Variants in ALK observed in about 807,000 individuals in gnomAD.
ALK encodes ALK tyrosine kinase receptor.
A neutral mutation model predicts 163.1 loss-of-function variants in ALK; 74 were observed. The observed-to-expected ratio is 0.45, with a 90% CI of 0.38 to 0.55. The LOEUF (loss-of-function observed/expected upper bound fraction) is 0.55. Ranked by LOEUF, ALK falls within the 20% of genes least tolerant of loss-of-function variation. The pLI is 0.00. For missense variants in ALK, 2,063 were observed against 2,105.3 expected (o/e 0.98, Z 0.39); for synonymous variants, 960 against 843.2 (o/e 1.14, Z -2.40).
intron 1 of ALK, among the ~76,000 whole-genome samples, chr2:29,812,034 A>G (rs1400472789): frequency 6.6e-6 from 1 of 152,180 alleles, no homozygotes; most frequent in South Asian, 2.1e-4. Context: ...GCAGTAATTC[A>G]GGTTCTTCAT....
At chr2:29,440,612 T>C (rs1311366697) in intron 4 of ALK, among the ~76,000 whole-genome samples, 1 of 152,210 alleles carries the variant, frequency 6.6e-6, no homozygotes, top group Non-Finnish European at 1.5e-5. Context: ...CCACAGTGCC[T>C]GGCTGATGAA....
chr2:29,768,945 C>A (rs1005017591), intron 1 of ALK, among the ~76,000 whole-genome samples: 1 of 151,948 alleles, frequency 6.6e-6, no homozygotes, highest in African/African-American at 2.4e-5. Context: ...GCGATCCTCC[C>A]GCCTCAGCTT....
At chr2:29,565,396 G>T (rs1674149896) in intron 3 of ALK, among the ~76,000 whole-genome samples, 1 of 152,174 alleles carries the variant, frequency 6.6e-6, no homozygotes, top group African/African-American at 2.4e-5. Context: ...CCTGCTTAGT[G>T]TTTAGCAAGC....
intron 1 of ALK, among the ~76,000 whole-genome samples, chr2:29,883,047 G>A (rs182512350): frequency 9.2e-5 from 14 of 151,804 alleles, no homozygotes; most frequent in Non-Finnish European, 1.9e-4. Flanking sequence ...GGAAGGAAGG[G>A]AGCAGAGGGT....
intron 4 of ALK, among the ~76,000 whole-genome samples, chr2:29,420,861 A>G (rs951393014): frequency 1.3e-5 from 2 of 151,580 alleles, no homozygotes; most frequent in Non-Finnish European, 2.9e-5. Flanking sequence ...TTATTTAAAA[A>G]GTCTGGAGAA....
At chr2:29,255,532 T>G (rs1664928803) in intron 11 of ALK, among the ~76,000 whole-genome samples, 1 of 152,146 alleles carries the variant, frequency 6.6e-6, no homozygotes, top group South Asian at 2.1e-4. Context: ...ATTGTCCAGG[T>G]GGAGAAACAG....
chr2:29,507,267 C>T (rs1672353680), intron 4 of ALK, among the ~76,000 whole-genome samples: 1 of 152,200 alleles, frequency 6.6e-6, no homozygotes, highest in Non-Finnish European at 1.5e-5. Context: ...AGTGAAATGT[C>T]AATCACAAAA....
At chr2:29,424,831 A>T (rs1396749626) in intron 4 of ALK, among the ~76,000 whole-genome samples, 1 of 152,142 alleles carries the variant, frequency 6.6e-6, no homozygotes, top group Non-Finnish European at 1.5e-5. Context: ...AAATCACTTA[A>T]CCTCGTAAGC....
At chr2:29,455,969 T>A (rs1670942199) in intron 4 of ALK, among the ~76,000 whole-genome samples, 1 of 152,164 alleles carries the variant, frequency 6.6e-6, no homozygotes, top group Non-Finnish European at 1.5e-5. Flanking sequence ...GCCAAAGAGC[T>A]CTAGATTAAA....
At chr2:29,901,591 G>T (rs983688390) in intron 1 of ALK, among the ~76,000 whole-genome samples, 2 of 152,190 alleles carry the variant, frequency 1.3e-5, no homozygotes, top group African/African-American at 4.8e-5. Flanking sequence ...TGGCCAAGCC[G>T]CTCATCTCTC....
chr2:29,603,592 T>C (rs1250917449), intron 3 of ALK, among the ~76,000 whole-genome samples: 1 of 151,808 alleles, frequency 6.6e-6, no homozygotes, highest in Middle Eastern at 3.4e-3. Flanking sequence ...TCTGAACTAG[T>C]TTTTTTTAGG....
chr2:29,242,620 T>C (rs1219455017), intron 12 of ALK, among the ~76,000 whole-genome samples: 2 of 152,138 alleles, frequency 1.3e-5, no homozygotes, highest in Admixed American at 1.3e-4. Flanking sequence ...CTCCAAGTCA[T>C]CTGCTGGTTC....
chr2:29,829,312 TA>T (rs61451401), intron 1 of ALK, among the ~76,000 whole-genome samples: 2,657 of 144,748 alleles, frequency 0.018, 72 homozygotes, highest in African/African-American at 0.062. Context: ...TAAAGTATAA[TA>T]AAAAAAAAAA....
chr2:29,329,363 C>T (rs1667370693), intron 5 of ALK, among the ~76,000 whole-genome samples: 1 of 152,184 alleles, frequency 6.6e-6, no homozygotes, highest in African/African-American at 2.4e-5. Context: ...AGGGCTTTGC[C>T]TGGGGACCAC....
chr2:29,370,270 T>G (rs1232441706), intron 5 of ALK, among the ~76,000 whole-genome samples: 1 of 152,236 alleles, frequency 6.6e-6, no homozygotes, highest in Non-Finnish European at 1.5e-5. Context: ...GGTAGTGGTG[T>G]GCAGAGGGCT....
At chr2:29,487,848 T>G (rs935429008) in intron 4 of ALK, among the ~76,000 whole-genome samples, 6 of 152,172 alleles carry the variant, frequency 3.9e-5, no homozygotes, top group Non-Finnish European at 5.9e-5. Context: ...TCACAGCTTA[T>G]GCATCTCCCT....
At chr2:29,497,261 AAACT>A (rs1262677532) in intron 4 of ALK, among the ~76,000 whole-genome samples, 1 of 146,602 alleles carries the variant, frequency 6.8e-6, no homozygotes. Flanking sequence ...AACAAGAGTG[AAACT>A]CCATCTCAAA....
chr2:29,858,787 C>G (rs1666209288), intron 1 of ALK, among the ~76,000 whole-genome samples: 1 of 151,578 alleles, frequency 6.6e-6, no homozygotes, highest in African/African-American at 2.4e-5. Flanking sequence ...GCCTGTAATC[C>G]CAGCACTTTG....
intron 4 of ALK, among the ~76,000 whole-genome samples, chr2:29,454,627 A>C (rs1670904076): frequency 6.6e-6 from 1 of 152,140 alleles, no homozygotes; most frequent in Admixed American, 6.5e-5. Flanking sequence ...AATTGCATTG[A>C]TGAATATTAT....
Sources: gnomAD v4.1 joint callset for allele counts (sites outside exome capture counted in the v4.1 genomes callset) on GRCh38, gnomAD v4.1.1 for gene constraint, MANE v1.5 for transcripts, NCBI Gene and HGNC (gene_info 2026-07-23, HGNC 2026-07-21) for gene names.